PCDHAC1: variants seen among roughly 807,000 people sequenced by gnomAD.
PCDHAC1 encodes the protein protocadherin alpha subfamily C, 1.
A neutral mutation model predicts 60.0 loss-of-function variants in PCDHAC1; 42 were observed. The ratio of observed to expected loss-of-function variants is 0.70; its 90% CI spans 0.55 to 0.90. The LOEUF is 0.90. Ranked by LOEUF, PCDHAC1 falls within the 40% of genes least tolerant of loss-of-function variation. PCDHAC1 has a pLI of 0.00. For missense variants in PCDHAC1, 1,160 were observed against 1,222.3 expected (o/e 0.95, Z 0.76); for synonymous variants, 468 against 499.3 (o/e 0.94, Z 0.84).
intron 3 of PCDHAC1, among the ~76,000 whole-genome samples, chr5:140,999,060 G>A (rs1199782818): frequency 1.3e-5 from 2 of 152,210 alleles, no homozygotes; most frequent in East Asian, 1.9e-4. Context: ...CCATGCCTAA[G>A]TAGTCTCCTT....
At chr5:141,000,419 ATATTTTTTT>A (rs2097927194) in intron 3 of PCDHAC1, among the ~76,000 whole-genome samples, 6 of 60,996 alleles carry the variant, frequency 9.8e-5, no homozygotes, top group Non-Finnish European at 1.1e-4. Flanking sequence ...ATATATATAT[ATATTTTTTT>A]TTTTTTTTTT....
At position 140,969,169 on chromosome 5, in the gene PCDHAC1, A is replaced by G. The variant is rs201735192; in HGVS notation, c.2434-9780A>G. 2.0e-5 allele frequency: 33 copies of G among 1,614,094 alleles called. No homozygotes were observed. In the Admixed American group the frequency reaches 5.5e-4, roughly 27 times the overall value. On this transcript the variant is annotated intron_variant, in intron 1 of 3. Transcript: ENST00000253807. The stretch of plus-strand genomic sequence containing the variant: ...ACAAGGCCTGTCTGACAGCAGGCTC[A>G]GGGAGTGACACTTTCATGTTTTACA...
chr5:140,964,631 T>C (rs1415762552), intron 1 of PCDHAC1, among the ~76,000 whole-genome samples: 1 of 152,074 alleles, frequency 6.6e-6, no homozygotes, highest in African/African-American at 2.4e-5. Flanking sequence ...ATAAGCCATT[T>C]ATTTTCAGAA....
At chr5:140,983,034 C>T (rs923296416) in intron 3 of PCDHAC1, among the ~76,000 whole-genome samples, 1 of 151,944 alleles carries the variant, frequency 6.6e-6, no homozygotes, top group Non-Finnish European at 1.5e-5. Context: ...GATGGTTTCT[C>T]ATGGAAGTGG....
chr5:140,987,898 A>T (rs1394668777), intron 3 of PCDHAC1, among the ~76,000 whole-genome samples: 1 of 152,092 alleles, frequency 6.6e-6, no homozygotes, highest in Non-Finnish European at 1.5e-5. Context: ...CCCTAGTTTT[A>T]TATGGGGATT....
chr5:140,982,300 G>A (rs2096976836), intron 2 of PCDHAC1, 175 bp from the exon 3 acceptor site: 1 of 1,204,506 alleles, frequency 8.3e-7, no homozygotes, highest in South Asian at 1.7e-5. Flanking sequence ...AGTCAGCAAT[G>A]CTTCTGCAGT....
At chr5:140,993,831 T>C (rs2097584101) in intron 3 of PCDHAC1, among the ~76,000 whole-genome samples, 1 of 152,190 alleles carries the variant, frequency 6.6e-6, no homozygotes, top group South Asian at 2.1e-4. Flanking sequence ...CTATACCATA[T>C]AGCCTAGGTA....
intron 1 of PCDHAC1, among the ~76,000 whole-genome samples, chr5:140,937,187 G>A (rs1443565443): frequency 6.6e-6 from 1 of 151,764 alleles, no homozygotes; most frequent in Non-Finnish European, 1.5e-5. Context: ...ACAGGCGCCC[G>A]CCACCATGCC....
intron 1 of PCDHAC1, among the ~76,000 whole-genome samples, chr5:140,941,214 C>CTTT (rs1554214039): frequency 0.031 from 3,845 of 122,336 alleles, 93 homozygotes; most frequent in South Asian, 0.048. Flanking sequence ...TTTCTTTCTT[C>CTTT]CTTTCTTTCT....
intron 1 of PCDHAC1, chr5:140,930,064 C>G (rs2153602971): frequency 6.6e-6 from 1 of 152,306 alleles, no homozygotes; most frequent in Non-Finnish European, 1.5e-5. Context: ...TACACAAAAA[C>G]TGTAAGCCTC....
intron 1 of PCDHAC1, among the ~76,000 whole-genome samples, chr5:140,960,972 T>G (rs936519951): frequency 4.9e-4 from 75 of 152,306 alleles, no homozygotes; most frequent in Non-Finnish European, 2.2e-4. Flanking sequence ...GCAGTTGCAA[T>G]TCTTGTTCCA....
In PCDHAC1 at chr5:140,969,495, C is replaced by T. The variant is rs1205771172; in HGVS notation, c.2434-9454C>T. On this transcript the variant is annotated intron_variant, in intron 1 of 3. Transcript: ENST00000253807. The stretch of plus-strand genomic sequence containing the variant: ...TTGATCATAATCTGCTATTTCCTCT[C>T]TAGAAAAATAGCACTAAAGAATTGT... 10 of 1,437,770 alleles carry T rather than the reference C, an allele frequency of 7.0e-6. No homozygotes were observed. The African/African-American group carries it at 7.2e-5, about 10-fold the overall frequency. The allele number at this position is 1,437,770 out of a possible 1,614,324, so 89.1% of individuals were successfully genotyped here. A position where few individuals can be genotyped will look rare whatever the true frequency, so the allele number is the denominator to read the frequency against.
At chr5:140,957,689 A>G (rs2095375568) in intron 1 of PCDHAC1, among the ~76,000 whole-genome samples, 1 of 152,234 alleles carries the variant, frequency 6.6e-6, no homozygotes. Flanking sequence ...TATCTAGACA[A>G]TGAACATTAT....
chr5:140,973,331 TGTAAAGTGACATAGTA>T (rs782725271), intron 1 of PCDHAC1, among the ~76,000 whole-genome samples: 2 of 152,218 alleles, frequency 1.3e-5, no homozygotes, highest in Non-Finnish European at 2.9e-5. Context: ...TTACACTCGT[TGTAAAGTGACATAGTA>T]GTGAATTTAT....
At chr5:140,974,108 C>G (rs977903039) in intron 1 of PCDHAC1, among the ~76,000 whole-genome samples, 1 of 152,182 alleles carries the variant, frequency 6.6e-6, no homozygotes, top group Non-Finnish European at 1.5e-5. Flanking sequence ...TAAAAGTATT[C>G]TTTTGCAGTG....
rs139745274 is a variant in PCDHAC1, at chr5:140,994,788, C to T, written c.2581+12225C>T. On this transcript the variant is annotated intron_variant, in intron 3 of 3. Coordinates refer to ENST00000253807, the MANE Select transcript of PCDHAC1 (RefSeq NM_018898.5). ...AGAATTCCAGGCAAAGGAAACAATG[C>T]GTGCATGCAAAAACAAAATACAAAA... Among the ~76,000 whole-genome samples, 132 of 152,194 alleles carry T rather than the reference C, an allele frequency of 8.7e-4. 2 individuals carry two copies. The East Asian group carries it at 0.024, about 28-fold the overall frequency.
rs1262836505 is a variant in PCDHAC1 at position 141,012,081 on chromosome 5, T to C, written c.*2144T>C. The C allele has an allele frequency of 6.5e-6, 1 of 153,748 alleles. No individual in the cohort carries two copies. Among genetic ancestry groups the C allele is most frequent in the Non-Finnish European group, 1.5e-5 (1 of 68,042 alleles). 9.5% of individuals were successfully genotyped at this position (153,748 alleles called of 1,614,324 possible). On this transcript the variant is annotated 3_prime_UTR_variant, in exon 4 of 4. Transcript: ENST00000253807. Reference sequence around the variant, plus strand: ...CAACACATGTGAACCATTGCTACATTGTAGGTTGTGATCATTTTGCCCCAC... The same window carrying C: ...CAACACATGTGAACCATTGCTACATCGTAGGTTGTGATCATTTTGCCCCAC...
chr5:140,986,011 T>A (rs1172713730), intron 3 of PCDHAC1, among the ~76,000 whole-genome samples: 1 of 152,184 alleles, frequency 6.6e-6, no homozygotes, highest in Non-Finnish European at 1.5e-5. Flanking sequence ...AGTGCTGGGA[T>A]TACAGGCGTG....
At chr5:140,998,533 T>C (rs1362807124) in intron 3 of PCDHAC1, among the ~76,000 whole-genome samples, 1 of 152,020 alleles carries the variant, frequency 6.6e-6, no homozygotes, top group Non-Finnish European at 1.5e-5. Flanking sequence ...TTTATATCCC[T>C]AATTCCTAAT....
Sources: allele counts gnomAD v4.1 joint callset (sites outside exome capture counted in the v4.1 genomes callset), GRCh38; gene constraint gnomAD v4.1.1; transcripts MANE v1.5; gene names NCBI Gene and HGNC (gene_info 2026-07-23, HGNC 2026-07-21).